MTMR12: variants seen among roughly 807,000 people sequenced by gnomAD.
The protein encoded by MTMR12 is myotubularin related protein 12, also known as myotubularin-related protein 12.
In MTMR12, 33 loss-of-function variants were observed where a neutral mutation model predicts 96.7. The observed-to-expected ratio is 0.34, with a 90% CI of 0.26 to 0.46. MTMR12 has a LOEUF of 0.46. Among genes scored for constraint, MTMR12 ranks in the 20% least tolerant of loss-of-function variants. The probability of loss-of-function intolerance (pLI) is 1.00; values close to 1 mark genes in which losing one functional copy is unlikely to be tolerated. For synonymous variants in MTMR12, 298 were observed against 327.2 expected, an observed-to-expected ratio of 0.91 and a Z score of 0.96; for missense variants, 721 against 896.1, an observed-to-expected ratio of 0.80 and a Z score of 2.49.
intron 12 of MTMR12, among the ~76,000 whole-genome samples, chr5:32,241,668 T>A (rs1748480984): frequency 6.6e-6 from 1 of 152,216 alleles, no homozygotes; most frequent in Non-Finnish European, 1.5e-5. Flanking sequence ...CTGAATAAAG[T>A]TGTCAACCAC....
chr5:32,240,929 T>G (rs1039297286), intron 12 of MTMR12, among the ~76,000 whole-genome samples: 1 of 152,144 alleles, frequency 6.6e-6, no homozygotes, highest in Non-Finnish European at 1.5e-5. Flanking sequence ...GAACTCTTTC[T>G]TCTTGGATCT....
chr5:32,289,094 C>T (rs868510881), intron 1 of MTMR12, among the ~76,000 whole-genome samples: 7 of 152,140 alleles, frequency 4.6e-5, no homozygotes, highest in South Asian at 2.1e-4. Context: ...GGCCAAGTGG[C>T]GGCACTCAAC....
At chr5:32,255,585 G>T in intron 8 of MTMR12, 108 bp downstream of exon 8, 3 of 1,017,714 alleles carry the variant, frequency 2.9e-6, no homozygotes, top group South Asian at 1.7e-5. Flanking sequence ...ATTGTTCTTG[G>T]ACTGAAAACA....
intron 6 of MTMR12, among the ~76,000 whole-genome samples, chr5:32,266,533 CAAA>C (rs200062290): frequency 0.015 from 2,346 of 151,784 alleles, 32 homozygotes; most frequent in Non-Finnish European, 0.024. Flanking sequence ...ACCAAAAATA[CAAA>C]AATTAGCCAC....
At chr5:32,277,836 G>T (rs530912547) in intron 1 of MTMR12, among the ~76,000 whole-genome samples, 1 of 152,282 alleles carries the variant, frequency 6.6e-6, no homozygotes, top group Admixed American at 6.5e-5. Context: ...AGGCCCAAAG[G>T]TAAGAATAGG....
intron 10 of MTMR12, chr5:32,247,708 A>G: frequency 2.0e-6 from 2 of 977,896 alleles, no homozygotes; most frequent in Non-Finnish European, 1.2e-6. Context: ...AAAAACTTTT[A>G]AAGGAAGAAA....
chr5:32,284,605 T>C (rs1435262915), intron 1 of MTMR12, among the ~76,000 whole-genome samples: 1 of 152,162 alleles, frequency 6.6e-6, no homozygotes, highest in Non-Finnish European at 1.5e-5. Flanking sequence ...AACCATAAAC[T>C]AGTTTTACAG....
At chr5:32,303,046 A>T (rs910770891) in intron 1 of MTMR12, among the ~76,000 whole-genome samples, 7 of 152,220 alleles carry the variant, frequency 4.6e-5, no homozygotes, top group Admixed American at 1.3e-4. Flanking sequence ...TCTTAAGATT[A>T]ATGATTAAGC....
In MTMR12 at chr5:32,274,931, G is replaced by A. The variant is rs894695538; in HGVS notation, c.143-809C>T. Among the ~76,000 whole-genome samples the A allele has an allele frequency of 3.3e-5, 5 of 151,856 alleles. No homozygotes were observed. The East Asian group carries it at 7.7e-4, about 23-fold the overall frequency. On this transcript the variant is annotated intron_variant, in intron 2 of 15. Transcript: ENST00000382142. ...GCCATCTGGAAGCAGAGGAGCTCAC[G>A]GGGGCAGGCAAAAGAGAAGACTATG...
At chr5:32,239,295 A>G (rs927138874) in intron 12 of MTMR12, 122 bp from the exon 13 acceptor site, 1 of 1,030,516 alleles carries the variant, frequency 9.7e-7, no homozygotes. Flanking sequence ...TACTATTAAC[A>G]GTCATGTTCT....
At chr5:32,248,712 G>C in intron 9 of MTMR12, 60 bp downstream of exon 9, 2 of 1,332,440 alleles carry the variant, frequency 1.5e-6, no homozygotes, top group Non-Finnish European at 2.2e-6. Flanking sequence ...ACTAAGAGCT[G>C]TTCCCTGCTT....
chr5:32,257,012 A>G (rs1749164892), intron 7 of MTMR12, among the ~76,000 whole-genome samples: 1 of 152,234 alleles, frequency 6.6e-6, no homozygotes, highest in Non-Finnish European at 1.5e-5. Flanking sequence ...GGCTGGACGC[A>G]GTGGCTCACA....
chr5:32,294,718 A>G (rs1408493549), intron 1 of MTMR12, among the ~76,000 whole-genome samples: 4 of 152,350 alleles, frequency 2.6e-5, no homozygotes, highest in Middle Eastern at 3.4e-3. Flanking sequence ...CTCAACTTCT[A>G]GCATATAATT....
chr5:32,285,337 G>A (rs937041002), intron 1 of MTMR12, among the ~76,000 whole-genome samples: 1 of 142,372 alleles, frequency 7.0e-6, no homozygotes, highest in East Asian at 2.1e-4. Context: ...CAGCCTGGGT[G>A]ACAGAGCGAG....
At chr5:32,255,611 G>T (rs1749104866) in intron 8 of MTMR12, 82 bp downstream of exon 8, 1 of 1,305,560 alleles carries the variant, frequency 7.7e-7, no homozygotes, top group African/African-American at 1.5e-5. Context: ...TAGAACAAAA[G>T]CCAAGGGCTT....
chr5:32,307,068 T>G (rs971584260), intron 1 of MTMR12, among the ~76,000 whole-genome samples: 4 of 152,142 alleles, frequency 2.6e-5, no homozygotes, highest in Non-Finnish European at 5.9e-5. Flanking sequence ...AAAAGGCAGA[T>G]TACAAAATAT....
At chr5:32,265,787 G>A (rs1749565569) in intron 6 of MTMR12, among the ~76,000 whole-genome samples, 1 of 152,160 alleles carries the variant, frequency 6.6e-6, no homozygotes, top group African/African-American at 2.4e-5. Context: ...ATTAATGACT[G>A]CACCTTATGT....
chr5:32,232,545 C>T (rs902202019), intron 15 of MTMR12, among the ~76,000 whole-genome samples: 18 of 152,194 alleles, frequency 1.2e-4, no homozygotes, highest in African/African-American at 3.9e-4. Context: ...ACGTTGTCCT[C>T]GCTGTCTCTG....
chr5:32,255,722 C>T lies in MTMR12; in HGVS notation c.760G>A (p.Val254Met), dbSNP rs1749109027. ...VVPTPLPEENVQRFQGHGIPI... is the reference protein window; with the variant it reads ...VVPTPLPEENMQRFQGHGIPI... Reference sequence around the variant, plus strand: ...ATGCCATGACCCTGAAAGCGCTGCACATTCTCTTCAGGAAGAGGGGTGGGG... The same window carrying T: ...ATGCCATGACCCTGAAAGCGCTGCATATTCTCTTCAGGAAGAGGGGTGGGG... Residue 254 changes from valine (V) to methionine (M), a missense_variant, in exon 8 of 16, where the codon GTG (valine) becomes ATG (methionine). By Grantham distance (21) the Val-to-Met change is conservative. Coordinates refer to ENST00000382142, the MANE Select transcript of MTMR12 (RefSeq NM_001040446.3). The T allele has an allele frequency of 6.2e-7, 1 of 1,612,942 alleles. No homozygotes were observed. The highest frequency in any genetic ancestry group is 8.5e-7 in the Non-Finnish European group (1 of 1,179,618).
Sources: gnomAD v4.1 joint callset for allele counts (sites outside exome capture counted in the v4.1 genomes callset) on GRCh38, gnomAD v4.1.1 for gene constraint, MANE v1.5 for transcripts, NCBI Gene and HGNC (gene_info 2026-07-23, HGNC 2026-07-21) for gene names.